Variants in USP34 observed in about 807,000 individuals in gnomAD.
USP34 encodes the protein ubiquitin specific peptidase 34.
Under a neutral mutation model 460.3 loss-of-function variants are expected in USP34, and 70 were observed. That is an observed-to-expected ratio of 0.15 (90% CI 0.13 to 0.19). The LOEUF is 0.19. USP34 is among the 10% of genes least tolerant of loss of function. The pLI is 1.00. For missense variants in USP34, 3,985 were observed against 4,236.2 expected (o/e 0.94, Z 1.65); for synonymous variants, 1,647 against 1,405.3 (o/e 1.17, Z -3.85).
In USP34 at chr2:61,288,814, C is replaced by T. The variant is rs747162879; in HGVS notation, c.4612G>A (p.Asp1538Asn). 6 of 1,613,712 alleles carry T rather than the reference C, an allele frequency of 3.7e-6. No individual in the cohort carries two copies. In the African/African-American group the frequency reaches 4.0e-5, roughly 11 times the overall value. Residue 1538 changes from aspartate (D) to asparagine (N), a missense_variant, in exon 34 of 80, where the codon GAT becomes AAT. This residue lies in a region of USP34 where 1,114 missense variants were observed against 1,122.5 expected (regional missense o/e 0.99). Transcript: ENST00000398571. The part of the protein sequence containing the change: ...LICQFAVDPS[D>N]LDLAYHDVFA... ...ACATCATGATAAGCTAAATCCAAAT[C>T]GGATGGATCTACTGCAAACTGGCAT...
chr2:61,361,541 C>A (rs781197917), intron 10 of USP34, among the ~76,000 whole-genome samples: 1 of 152,124 alleles, frequency 6.6e-6, no homozygotes, highest in East Asian at 1.9e-4. Context: ...CAGAAGGATG[C>A]CAAGAACATA....
chr2:61,348,685 A>T, intron 14 of USP34, 71 bp downstream of exon 14: 1 of 1,538,136 alleles, frequency 6.5e-7, no homozygotes. Flanking sequence ...ATGTATATAT[A>T]CCCAATTCAA....
intron 41 of USP34, among the ~76,000 whole-genome samples, chr2:61,275,411 G>A (rs558899067): frequency 1.3e-5 from 2 of 152,320 alleles, no homozygotes; most frequent in East Asian, 3.9e-4. Flanking sequence ...AAGGGCAGGA[G>A]TTTAAGAACA....
At position 61,251,031 on chromosome 2, in the gene USP34, A is replaced by C. The variant is rs1414108297; in HGVS notation, c.6222-2348T>G. On this transcript the variant is annotated intron_variant, in intron 48 of 79. Coordinates refer to ENST00000398571, the MANE Select transcript of USP34 (RefSeq NM_014709.4). Reference sequence around the variant, plus strand: ...CGGGCGCCTGTAGTCCCAGCTACTCAGGAGGCTGAGGCAGGAGAATGGCGT... The same window carrying C: ...CGGGCGCCTGTAGTCCCAGCTACTCCGGAGGCTGAGGCAGGAGAATGGCGT... 3.3e-5 allele frequency among the ~76,000 whole-genome samples: 5 copies of C among 152,080 alleles called. No homozygotes were observed. In the South Asian group the frequency reaches 1.0e-3, roughly 32 times the overall value.
At chr2:61,331,177 ATTAC>A in intron 20 of USP34, 95 bp downstream of exon 20, 1 of 994,946 alleles carries the variant, frequency 1.0e-6, no homozygotes. Flanking sequence ...TTCTGTTACA[ATTAC>A]TTATTATATG....
intron 5 of USP34, among the ~76,000 whole-genome samples, chr2:61,385,403 C>T (rs1693106059): frequency 6.6e-6 from 1 of 151,856 alleles, no homozygotes; most frequent in African/African-American, 2.4e-5. Context: ...ACAAGGAGGC[C>T]AGGCGCGGTG....
intron 1 of USP34, among the ~76,000 whole-genome samples, chr2:61,469,357 A>G (rs564457203): frequency 6.6e-6 from 1 of 152,218 alleles, no homozygotes; most frequent in Non-Finnish European, 1.5e-5. Flanking sequence ...AGTATTGAGG[A>G]TTTAAGTTTA....
chr2:61,268,767 G>C (rs1046730428), intron 41 of USP34, among the ~76,000 whole-genome samples: 2 of 151,948 alleles, frequency 1.3e-5, no homozygotes, highest in Admixed American at 6.6e-5. Flanking sequence ...ATAGAAAATA[G>C]GAAGAGAGAA....
At chr2:61,244,569 C>T (rs1389609686) in intron 51 of USP34, among the ~76,000 whole-genome samples, 4 of 150,552 alleles carry the variant, frequency 2.7e-5, no homozygotes, top group Non-Finnish European at 5.9e-5. Flanking sequence ...GAGCCGAGAT[C>T]GCGCCACTGA....
At chr2:61,410,356 G>C (rs1019994077) in intron 2 of USP34, among the ~76,000 whole-genome samples, 6 of 152,150 alleles carry the variant, frequency 3.9e-5, no homozygotes, top group Non-Finnish European at 8.8e-5. Flanking sequence ...TCATGCTCCT[G>C]TGAGAATCTG....
rs749652083 is a variant in USP34, at chr2:61,353,392, ATG to A, written c.1252-2701_1252-2700del. 4.0e-4 allele frequency among the ~76,000 whole-genome samples: 57 copies of A among 143,908 alleles called. 5 individuals carry two copies. The highest frequency in any genetic ancestry group is 7.5e-4 in the African/African-American group (29 of 38,784). 94.4% of individuals were successfully genotyped at this position (143,908 alleles called of 152,430 possible). ...TCCACCTGTTGCACTTCCTAGACGAATGTTTTTTTTTTTTTTTTTGAGACAGT... is the reference window on the plus strand; with the variant it reads ...TCCACCTGTTGCACTTCCTAGACGAATTTTTTTTTTTTTTTTTGAGACAGT... On this transcript the variant is annotated intron_variant, in intron 10 of 79. Transcript: ENST00000398571.
At position 61,314,596 on chromosome 2, in the gene USP34, C is replaced by A. The variant is rs567275702; in HGVS notation, c.3531G>T (p.Ala1177=). Residue 1177 remains alanine (A), a synonymous_variant, in exon 25 of 80, where the codon GCG becomes GCT. Coordinates refer to ENST00000398571, the MANE Select transcript of USP34 (RefSeq NM_014709.4). ...GLLMLKTHLE[A]FRRRFAYHLR... ...ATTTTAAAAATTACCTTCTCCTAAA[C>A]GCTTCCAGATGTGTCTTCAGCATAA... is the stretch of plus-strand genomic sequence containing the variant. 3 of 1,520,336 alleles carry A rather than the reference C, an allele frequency of 2.0e-6. No individual in the cohort carries two copies. Among genetic ancestry groups the A allele is most frequent in the African/African-American group, 2.8e-5 (2 of 71,024 alleles). 94.2% of individuals were successfully genotyped at this position (1,520,336 alleles called of 1,614,324 possible).
Position 61,459,067 on chromosome 2 carries a change from G to C in USP34, c.43+11583C>G, listed in dbSNP as rs1306288763. ...GGTGACAAATCAAGACTCCATCTCG[G>C]GAAAAAATAAAAACAAATCTTGCCT... is the stretch of plus-strand genomic sequence containing the variant. On this transcript the variant is annotated intron_variant, in intron 1 of 79. Transcript: ENST00000398571. 3.9e-5 allele frequency among the ~76,000 whole-genome samples: 6 copies of C among 151,916 alleles called. No homozygotes were observed. The East Asian group carries it at 1.2e-3, about 29-fold the overall frequency.
rs988911 is a variant in USP34, at chr2:61,380,375, G to T, written c.822-14C>A. 6.3e-7 allele frequency: 1 copy of T among 1,585,480 alleles called. No homozygotes were observed. Among genetic ancestry groups the T allele is most frequent in the Non-Finnish European group, 8.6e-7 (1 of 1,164,390 alleles). On this transcript the variant is annotated splice_polypyrimidine_tract_variant and intron_variant, in intron 6 of 79. Transcript: ENST00000398571. ...TTGCATAAATACCTGAAATGATTCA[G>T]AAATAGAAAATACACAAAAATTCAT...
At chr2:61,421,127 A>G (rs1246875431) in intron 1 of USP34, among the ~76,000 whole-genome samples, 1 of 152,010 alleles carries the variant, frequency 6.6e-6, no homozygotes, top group African/African-American at 2.4e-5. Context: ...TGCAATCTAC[A>G]TTTTTCATTT....
At chr2:61,429,376 G>A (rs1242865166) in intron 1 of USP34, among the ~76,000 whole-genome samples, 1 of 152,190 alleles carries the variant, frequency 6.6e-6, no homozygotes, top group Non-Finnish European at 1.5e-5. Context: ...GAACCCAGGA[G>A]GCAGACCTTG....
chr2:61,350,413 C>T, intron 11 of USP34, 24 bp from the exon 12 acceptor site: 1 of 1,594,750 alleles, frequency 6.3e-7, no homozygotes, highest in Middle Eastern at 1.7e-4. Flanking sequence ...GGAGAGATTT[C>T]AGTTTGAGAA....
intron 62 of USP34, 141 bp from the exon 63 acceptor site, chr2:61,223,437 T>A: frequency 1.2e-6 from 1 of 847,654 alleles, no homozygotes; most frequent in Non-Finnish European, 1.8e-6. Flanking sequence ...CTAGCTACAT[T>A]TGCTTGCTAA....
intron 31 of USP34, 57 bp from the exon 32 acceptor site, chr2:61,295,089 A>C: frequency 8.1e-6 from 13 of 1,601,452 alleles, no homozygotes; most frequent in Non-Finnish European, 1.1e-5. Context: ...TTATTATAGA[A>C]TGGAAAAGAC....
Sources: gnomAD v4.1 joint callset for allele counts (sites outside exome capture counted in the v4.1 genomes callset) on GRCh38, gnomAD v4.1.1 for gene constraint, gnomAD v4.1.1 regional missense constraint, MANE v1.5 for transcripts, NCBI Gene and HGNC (gene_info 2026-07-23, HGNC 2026-07-21) for gene names.